The following STAB2 variants were observed in gnomAD, a reference collection of about 807,000 sequenced individuals.
STAB2 encodes the protein stabilin 2.
STAB2 carries 288 observed loss-of-function variants against 338.1 expected under a neutral mutation model. That is an observed-to-expected ratio of 0.85 (90% CI 0.77 to 0.94). The LOEUF (loss-of-function observed/expected upper bound fraction) is 0.94, where lower values mean the gene tolerates loss of function less well. STAB2 is among the 40% of genes least tolerant of loss of function. The pLI, the probability that STAB2 is intolerant of heterozygous loss-of-function variation, is 0.00. For synonymous variants in STAB2, 1,202 were observed against 1,193.3 expected (o/e 1.01, Z -0.15); for missense variants, 3,141 against 3,210.1 (o/e 0.98, Z 0.52).
At chr12:103,693,917 C>T (rs1440000495) in intron 31 of STAB2, among the ~76,000 whole-genome samples, 1 of 151,758 alleles carries the variant, frequency 6.6e-6, no homozygotes, top group Admixed American at 6.6e-5. Context: ...CTTTGGGAGG[C>T]CGAGGCGGGC....
chr12:103,742,306 T>C (rs528707999), intron 55 of STAB2, 99 bp from the exon 56 acceptor site: 1 of 1,507,982 alleles, frequency 6.6e-7, no homozygotes, highest in South Asian at 1.3e-5. Context: ...ATGGTCCCTC[T>C]GGGCTAACAG....
intron 63 of STAB2, among the ~76,000 whole-genome samples, chr12:103,756,996 A>AATATAT (rs869105400): frequency 0.058 from 3,230 of 55,322 alleles, 54 homozygotes; most frequent in East Asian, 0.094. Context: ...AAGGAGGGAA[A>AATATAT]ATATATATAT....
intron 20 of STAB2, 71 bp downstream of exon 20, chr12:103,668,800 T>G (rs1025662412): frequency 2.5e-5 from 35 of 1,383,422 alleles, no homozygotes; most frequent in Admixed American, 5.0e-5. Context: ...TGCTCTTGGG[T>G]CCTAGGGTCC....
Position 103,620,512 on chromosome 12 carries a change from T to G in STAB2, c.376T>G (p.Cys126Gly). ...GTCACCCTGCAATGGCAGAGGCAGT[T>G]GTGCTGAAGGCATGGAAGGAAATGG... Reference protein sequence around the residue: ...AGSPCNGRGSCAEGMEGNGTC... With the variant: ...AGSPCNGRGSGAEGMEGNGTC... The change falls in exon 4 of 69, where the codon TGT becomes GGT. Residue 126 changes from cysteine (C) to glycine (G), a missense_variant. Coordinates refer to ENST00000388887, the MANE Select transcript of STAB2 (RefSeq NM_017564.10). The G allele has an allele frequency of 6.3e-7, 1 of 1,583,464 alleles. No individual in the cohort carries two copies. The highest frequency in any genetic ancestry group is 8.6e-7 in the Non-Finnish European group (1 of 1,163,432).
Position 103,742,502 on chromosome 12 carries a change from T to C in STAB2, c.5979T>C (p.Asn1993=), listed in dbSNP as rs1414850697. The C allele has an allele frequency of 1.9e-6, 3 of 1,614,118 alleles. No individual in the cohort carries two copies. Among genetic ancestry groups the C allele is most frequent in the Non-Finnish European group, 1.7e-6 (2 of 1,180,018 alleles). Residue 1993 remains asparagine, a synonymous_variant, in exon 56 of 69, where the codon AAT becomes AAC. Coordinates refer to ENST00000388887, the MANE Select transcript of STAB2 (RefSeq NM_017564.10). The part of the protein sequence containing the change: ...TGECKCNTGF[N]GTACEMCWPG... ...AGTGTAAATGCAACACCGGCTTCAA[T>C]GGGACGGCGTGTGAGATGTGCTGGC... is the stretch of plus-strand genomic sequence containing the variant.
chr12:103,638,952 A>G (rs957804161), intron 8 of STAB2, among the ~76,000 whole-genome samples: 6 of 152,190 alleles, frequency 3.9e-5, no homozygotes, highest in Non-Finnish European at 2.9e-5. Context: ...AATCACCTGG[A>G]TGCTAGCTGA....
chr12:103,591,881 C>T (rs746085533), intron 2 of STAB2, among the ~76,000 whole-genome samples: 14 of 152,132 alleles, frequency 9.2e-5, no homozygotes, highest in Admixed American at 3.3e-4. Flanking sequence ...TTTGTATTTG[C>T]GCAGCCTGTT....
intron 44 of STAB2, among the ~76,000 whole-genome samples, chr12:103,718,579 G>A (rs1024639832): frequency 2.0e-5 from 3 of 152,170 alleles, no homozygotes; most frequent in East Asian, 1.9e-4. Context: ...AAACAGAAGG[G>A]TTGTTCTTGT....
intron 3 of STAB2, among the ~76,000 whole-genome samples, chr12:103,616,598 C>T (rs1280854680): frequency 6.6e-6 from 1 of 152,218 alleles, no homozygotes; most frequent in African/African-American, 2.4e-5. Flanking sequence ...TGCTGAGTCT[C>T]AGGCTTCAGG....
At chr12:103,757,651 G>A (rs1011437136) in intron 63 of STAB2, among the ~76,000 whole-genome samples, 3 of 152,182 alleles carry the variant, frequency 2.0e-5, no homozygotes, top group Non-Finnish European at 4.4e-5. Context: ...AGACTTAGGG[G>A]AAGAACATTC....
intron 5 of STAB2, among the ~76,000 whole-genome samples, chr12:103,625,687 A>T (rs1028431182): frequency 2.6e-5 from 4 of 152,090 alleles, no homozygotes; most frequent in Non-Finnish European, 5.9e-5. Flanking sequence ...AAGGACATGA[A>T]CTCATCATTT....
intron 42 of STAB2, among the ~76,000 whole-genome samples, chr12:103,713,996 C>T (rs1880097048): frequency 6.6e-6 from 1 of 152,216 alleles, no homozygotes; most frequent in Non-Finnish European, 1.5e-5. Context: ...TCCAATTAAA[C>T]ATCATGGCGA....
chr12:103,712,211 T>A (rs956429512), intron 40 of STAB2, among the ~76,000 whole-genome samples, 156 bp from the exon 41 acceptor site: 1 of 152,206 alleles, frequency 6.6e-6, no homozygotes, highest in Non-Finnish European at 1.5e-5. Flanking sequence ...GGTGGGGTTA[T>A]GCCAGAATTA....
At chr12:103,703,043 T>G in intron 34 of STAB2, 105 bp from the exon 35 acceptor site, 1 of 1,270,108 alleles carries the variant, frequency 7.9e-7, no homozygotes, top group African/African-American at 1.5e-5. Context: ...AGGTGAATAT[T>G]GTAATATCTC....
At chr12:103,657,211 ATACT>A (rs1019243997) in intron 15 of STAB2, among the ~76,000 whole-genome samples, 2 of 141,310 alleles carry the variant, frequency 1.4e-5, no homozygotes, top group African/African-American at 5.4e-5. Flanking sequence ...ACTCACATTC[ATACT>A]TAAAGTGAGC....
rs574176371 is a variant in STAB2, at chr12:103,638,111, C to T, written c.805C>T (p.Arg269Cys). Residue 269 changes from arginine (R) to cysteine (C), a missense_variant, in exon 8 of 69, where the codon CGT (arginine) becomes TGT (cysteine). Transcript: ENST00000388887. ...RHSCTCQEGY[R>C]GDGQVCLPVD... ...CAGTTGTACATGCCAAGAAGGCTAC[C>T]GTGGGGATGGCCAAGTGTGCTTGCC... 1.2e-5 allele frequency: 19 copies of T among 1,614,180 alleles called. No individual in the cohort carries two copies. In the African/African-American group the frequency reaches 1.3e-4, roughly 11 times the overall value.
chr12:103,637,976 C>T (rs115069740), intron 7 of STAB2, 40 bp from the exon 8 acceptor site: 7 of 1,585,668 alleles, frequency 4.4e-6, no homozygotes, highest in Middle Eastern at 1.7e-4. Flanking sequence ...TCTCCATCCC[C>T]GTTAACTAAC....
At chr12:103,668,890 C>T (rs1213434092) in intron 20 of STAB2, 161 bp downstream of exon 20, 2 of 617,496 alleles carry the variant, frequency 3.2e-6, no homozygotes, top group Non-Finnish European at 5.6e-6. Flanking sequence ...GGTGGCCAGA[C>T]TCTGTCCTTT....
At chr12:103,619,283 T>C (rs1010058928) in intron 3 of STAB2, among the ~76,000 whole-genome samples, 3 of 152,146 alleles carry the variant, frequency 2.0e-5, no homozygotes, top group African/African-American at 7.2e-5. Flanking sequence ...TTCTGCTTGG[T>C]GCTTGCAGGT....
Sources: gnomAD v4.1 joint callset for allele counts (sites outside exome capture counted in the v4.1 genomes callset) on GRCh38, gnomAD v4.1.1 for gene constraint, MANE v1.5 for transcripts, NCBI Gene and HGNC (gene_info 2026-07-23, HGNC 2026-07-21) for gene names.